The following TAB2 variants were observed in gnomAD, a reference collection of about 807,000 sequenced individuals.
TAB2 encodes TGF-beta activated kinase 1 (MAP3K7) binding protein 2, also known as TGF-beta-activated kinase 1 and MAP3K7-binding protein 2.
In TAB2, 3 loss-of-function variants were observed where a neutral mutation model predicts 65.0. The observed-to-expected ratio is 0.05, with a 90% CI of 0.02 to 0.12. The LOEUF (loss-of-function observed/expected upper bound fraction) is 0.12, where lower values mean the gene tolerates loss of function less well. TAB2 is among the 10% of genes least tolerant of loss of function. TAB2 has a pLI of 1.00. For missense variants in TAB2, 623 were observed against 840.3 expected, an observed-to-expected ratio of 0.74 and a Z score of 3.20; for synonymous variants, 298 against 285.1, an observed-to-expected ratio of 1.05 and a Z score of -0.46.
chr6:149,309,072 T>C (rs921251944), intron 1 of TAB2, among the ~76,000 whole-genome samples: 1 of 152,192 alleles, frequency 6.6e-6, no homozygotes, highest in African/African-American at 2.4e-5. Context: ...GTTCTAAGTT[T>C]ATTTTCCCCG....
chr6:149,228,675 T>C (rs896033659), intron 1 of TAB2, among the ~76,000 whole-genome samples: 7 of 152,214 alleles, frequency 4.6e-5, no homozygotes, highest in African/African-American at 1.4e-4. Flanking sequence ...GCTACAGCAA[T>C]GTGCGCTGGC....
chr6:149,271,838 T>C (rs547002914), intron 1 of TAB2, among the ~76,000 whole-genome samples: 3 of 152,222 alleles, frequency 2.0e-5, no homozygotes, highest in South Asian at 4.1e-4. Context: ...AACTCAAAGT[T>C]ACTTTTGAGG....
intron 1 of TAB2, among the ~76,000 whole-genome samples, chr6:149,287,222 A>G (rs183194516): frequency 4.6e-5 from 7 of 152,348 alleles, no homozygotes; most frequent in East Asian, 3.9e-4. Flanking sequence ...ATATATTGAC[A>G]TGAGTCAACA....
intron 3 of TAB2, among the ~76,000 whole-genome samples, chr6:149,390,623 G>A (rs962760083): frequency 1.3e-5 from 2 of 152,152 alleles, no homozygotes; most frequent in Non-Finnish European, 2.9e-5. Context: ...AGTTGGGTAA[G>A]TACTGAGCTT....
intron 1 of TAB2, among the ~76,000 whole-genome samples, chr6:149,351,068 T>C (rs1490411871): frequency 6.6e-6 from 1 of 152,114 alleles, no homozygotes; most frequent in Non-Finnish European, 1.5e-5. Context: ...ATCCCCAGAA[T>C]CTGCCTTACT....
chr6:149,401,733 TAAAC>T (rs1422028482), intron 6 of TAB2, among the ~76,000 whole-genome samples: 1 of 152,040 alleles, frequency 6.6e-6, no homozygotes, highest in African/African-American at 2.4e-5. Flanking sequence ...AAAACGAGTT[TAAAC>T]AAACCTAAGA....
At position 149,223,469 on chromosome 6, in the gene TAB2, C is replaced by A. The variant is rs183168899; in HGVS notation, c.-121+4693C>A. Reference sequence around the variant, plus strand: ...AATTATAGCCTGTGTTCTTGCTGTCCATTGTCTTGCTATTTTGTAGAGTAT... The same window carrying A: ...AATTATAGCCTGTGTTCTTGCTGTCAATTGTCTTGCTATTTTGTAGAGTAT... On this transcript the variant is annotated intron_variant, in intron 1 of 1. Transcript: ENST00000606202. Among the ~76,000 whole-genome samples, 14 of 152,306 alleles carry A rather than the reference C, an allele frequency of 9.2e-5. No homozygotes were observed. The East Asian group carries it at 2.5e-3, about 27-fold the overall frequency.
intron 1 of TAB2, among the ~76,000 whole-genome samples, chr6:149,273,524 G>A (rs1778402265): frequency 6.6e-6 from 1 of 152,208 alleles, no homozygotes; most frequent in African/African-American, 2.4e-5. Context: ...AGGTGCTGTG[G>A]AGGCTGGACC....
chr6:149,280,596 A>C (rs756572799), intron 1 of TAB2, among the ~76,000 whole-genome samples: 1 of 152,210 alleles, frequency 6.6e-6, no homozygotes, highest in Admixed American at 6.5e-5. Context: ...TAAAATTGTC[A>C]ACCTAGAATT....
At chr6:149,394,471 CTCCT>C (rs1782102115) in intron 3 of TAB2, among the ~76,000 whole-genome samples, 1 of 152,038 alleles carries the variant, frequency 6.6e-6, no homozygotes, top group Non-Finnish European at 1.5e-5. Context: ...TTACATTTTT[CTCCT>C]GCTTGTATGT....
At chr6:149,406,596 GAA>G (rs1473053833) in intron 6 of TAB2, among the ~76,000 whole-genome samples, 1 of 152,144 alleles carries the variant, frequency 6.6e-6, no homozygotes, top group Non-Finnish European at 1.5e-5. Flanking sequence ...AAAAGAAAAA[GAA>G]ATGGGAACAA....
At chr6:149,274,091 C>T (rs1447508635) in intron 1 of TAB2, among the ~76,000 whole-genome samples, 1 of 152,232 alleles carries the variant, frequency 6.6e-6, no homozygotes, top group East Asian at 1.9e-4. Context: ...TTGGTGGGAT[C>T]ATAAAATGAC....
intron 1 of TAB2, among the ~76,000 whole-genome samples, chr6:149,270,114 ATT>A (rs1778332455): frequency 6.6e-6 from 1 of 152,176 alleles, no homozygotes; most frequent in Non-Finnish European, 1.5e-5. Context: ...GATAATGTTG[ATT>A]TTTGTTTATT....
intron 1 of TAB2, among the ~76,000 whole-genome samples, chr6:149,252,644 A>G (rs1256970507): frequency 1.3e-5 from 2 of 152,166 alleles, no homozygotes; most frequent in Non-Finnish European, 2.9e-5. Context: ...TATCTTGATT[A>G]AATATCTTGA....
intron 1 of TAB2, among the ~76,000 whole-genome samples, chr6:149,288,496 T>A (rs79115676): frequency 0.044 from 6,764 of 152,290 alleles, 240 homozygotes; most frequent in African/African-American, 0.091. Flanking sequence ...GAGAGGGATG[T>A]GGCACTGCCA....
At chr6:149,287,639 CTCAG>C (rs1229115603) in intron 1 of TAB2, among the ~76,000 whole-genome samples, 3 of 152,192 alleles carry the variant, frequency 2.0e-5, no homozygotes, top group Admixed American at 6.5e-5. Flanking sequence ...CAGGGCCGCT[CTCAG>C]TCAGTTTGTT....
intron 1 of TAB2, among the ~76,000 whole-genome samples, chr6:149,288,854 A>AT (rs71007938): frequency 0.042 from 4,806 of 115,330 alleles, 199 homozygotes; most frequent in East Asian, 0.17. Context: ...TTAATTTTTA[A>AT]TTTTTTTTTT....
At chr6:149,330,141 G>T (rs1779740437) in intron 1 of TAB2, among the ~76,000 whole-genome samples, 1 of 151,054 alleles carries the variant, frequency 6.6e-6, no homozygotes, top group Non-Finnish European at 1.5e-5. Flanking sequence ...CTTCCAAATT[G>T]TTGCATTTAT....
intron 1 of TAB2, among the ~76,000 whole-genome samples, chr6:149,281,120 T>C (rs1778564534): frequency 6.6e-6 from 1 of 152,114 alleles, no homozygotes; most frequent in African/African-American, 2.4e-5. Context: ...CTATTCTTAT[T>C]AAATATTATT....
Sources: gnomAD v4.1 joint callset for allele counts (sites outside exome capture counted in the v4.1 genomes callset) on GRCh38, gnomAD v4.1.1 for gene constraint, MANE v1.5 for transcripts, NCBI Gene and HGNC (gene_info 2026-07-23, HGNC 2026-07-21) for gene names.